The following BTBD9 variants were observed in gnomAD, a reference collection of about 807,000 sequenced individuals.
BTBD9 encodes the protein BTB domain containing 9, also known as BTB/POZ domain-containing protein 9.
Under a neutral mutation model 64.3 loss-of-function variants are expected in BTBD9, and 49 were observed. That is an observed-to-expected ratio of 0.76 (90% CI 0.61 to 0.97). The LOEUF (loss-of-function observed/expected upper bound fraction) is 0.97, where lower values mean the gene tolerates loss of function less well. Among genes scored for constraint, BTBD9 ranks in the 50% least tolerant of loss-of-function variants. The pLI, the probability that BTBD9 is intolerant of heterozygous loss-of-function variation, is 0.00. For missense variants in BTBD9, 598 were observed against 762.1 expected (o/e 0.78, Z 2.53); for synonymous variants, 260 against 274.7 (o/e 0.95, Z 0.53).
intron 6 of BTBD9, among the ~76,000 whole-genome samples, chr6:38,351,122 T>C (rs746160198): frequency 3.3e-5 from 5 of 152,248 alleles, no homozygotes; most frequent in Non-Finnish European, 5.9e-5. Flanking sequence ...AAGAAAGATT[T>C]GTTACTCTTA....
Position 38,534,771 on chromosome 6 carries a change from A to G in BTBD9, c.1154+42829T>C, listed in dbSNP as rs116007932. Among the ~76,000 whole-genome samples, 1,137 of 152,260 alleles carry G rather than the reference A, an allele frequency of 7.5e-3. 5 individuals carry two copies. The highest frequency in any genetic ancestry group is 0.012 in the Non-Finnish European group (840 of 67,968). ...TATCAACAGAATGAGGACAAAAACC[A>G]TATGATCATCTCAATTGATGCTGAA... On this transcript the variant is annotated intron_variant, in intron 6 of 10. Coordinates refer to ENST00000481247, the MANE Select transcript of BTBD9 (RefSeq NM_001099272.2).
intron 6 of BTBD9, among the ~76,000 whole-genome samples, chr6:38,481,192 G>A (rs915554292): frequency 6.6e-6 from 1 of 152,200 alleles, no homozygotes; most frequent in Admixed American, 6.5e-5. Flanking sequence ...TAACCTGGAA[G>A]ATTCAAGTAC....
chr6:38,421,944 G>A (rs892395591), intron 6 of BTBD9, among the ~76,000 whole-genome samples: 27 of 152,316 alleles, frequency 1.8e-4, no homozygotes, highest in African/African-American at 6.0e-4. Context: ...ATTCCATTAA[G>A]TTCACTGATA....
rs573682107 is a variant in BTBD9 at position 38,410,876 on chromosome 6, T to C, written c.1155-65783A>G. On this transcript the variant is annotated intron_variant, in intron 6 of 10. Transcript: ENST00000481247. ...GACCCTGTCTCTATAAAAAATAATT[T>C]AAAAAAACAAGAAAATATCATGTCA... is the stretch of plus-strand genomic sequence containing the variant. Among the ~76,000 whole-genome samples the C allele has an allele frequency of 5.9e-5, 9 of 151,974 alleles. No homozygotes were observed. In the East Asian group the frequency reaches 1.7e-3, roughly 29 times the overall value.
At chr6:38,217,463 T>G (rs1017821895) in intron 9 of BTBD9, among the ~76,000 whole-genome samples, 1 of 151,890 alleles carries the variant, frequency 6.6e-6, no homozygotes, top group Non-Finnish European at 1.5e-5. Context: ...GAAGATAATT[T>G]TAGTGACAGT....
intron 6 of BTBD9, among the ~76,000 whole-genome samples, chr6:38,467,465 T>C (rs35102071): frequency 0.044 from 6,742 of 152,290 alleles, 171 homozygotes; most frequent in Middle Eastern, 0.061. Context: ...TACCAACTTA[T>C]ATATTATTCA....
intron 6 of BTBD9, among the ~76,000 whole-genome samples, chr6:38,404,683 C>A (rs1767089265): frequency 6.6e-6 from 1 of 152,106 alleles, no homozygotes; most frequent in Non-Finnish European, 1.5e-5. Flanking sequence ...TTCAAACAAG[C>A]AAAAGCATTT....
intron 6 of BTBD9, among the ~76,000 whole-genome samples, chr6:38,367,383 T>G (rs1765223538): frequency 2.0e-5 from 3 of 152,206 alleles, no homozygotes; most frequent in African/African-American, 7.2e-5. Flanking sequence ...GAAGGAGGAC[T>G]CAGAGCATGA....
chr6:38,324,233 T>TA, intron 7 of BTBD9, among the ~76,000 whole-genome samples: 1 of 152,236 alleles, frequency 6.6e-6, no homozygotes, highest in Non-Finnish European at 1.5e-5. Context: ...GCTTTGTTTA[T>TA]AAAAACAGCT....
At chr6:38,639,054 C>T (rs1427066631) in intron 1 of BTBD9, among the ~76,000 whole-genome samples, 1 of 152,196 alleles carries the variant, frequency 6.6e-6, no homozygotes, top group African/African-American at 2.4e-5. Flanking sequence ...ACAAAACATG[C>T]TTCCATACTT....
intron 6 of BTBD9, among the ~76,000 whole-genome samples, chr6:38,373,097 C>T (rs549167678): frequency 6.6e-6 from 1 of 152,200 alleles, no homozygotes; most frequent in East Asian, 1.9e-4. Context: ...TTGACAAGGA[C>T]CATGGTCCTT....
intron 6 of BTBD9, among the ~76,000 whole-genome samples, chr6:38,370,781 AC>A: frequency 6.6e-6 from 1 of 152,186 alleles, no homozygotes. Context: ...AAATGTCTCT[AC>A]TCTATTAAGC....
chr6:38,589,183 G>T (rs1238534368), intron 4 of BTBD9, among the ~76,000 whole-genome samples: 1 of 152,172 alleles, frequency 6.6e-6, no homozygotes, highest in African/African-American at 2.4e-5. Context: ...AACAATCTGT[G>T]TATGTGTCAT....
chr6:38,383,165 A>G (rs1219025762), intron 6 of BTBD9, among the ~76,000 whole-genome samples: 1 of 152,240 alleles, frequency 6.6e-6, no homozygotes, highest in Non-Finnish European at 1.5e-5. Context: ...AATAATCATC[A>G]TGACCAAATT....
intron 1 of BTBD9, among the ~76,000 whole-genome samples, chr6:38,632,195 C>T (rs1778387023): frequency 6.6e-6 from 1 of 152,132 alleles, no homozygotes; most frequent in Non-Finnish European, 1.5e-5. Flanking sequence ...CAATAGATAA[C>T]ATAGAATTTG....
At chr6:38,388,927 T>C (rs1336870968) in intron 6 of BTBD9, among the ~76,000 whole-genome samples, 3 of 152,204 alleles carry the variant, frequency 2.0e-5, no homozygotes, top group Non-Finnish European at 4.4e-5. Flanking sequence ...AATCTGAGTA[T>C]TGTTATACCA....
intron 6 of BTBD9, among the ~76,000 whole-genome samples, chr6:38,548,791 G>A (rs1774670398): frequency 6.6e-6 from 1 of 152,146 alleles, no homozygotes; most frequent in Admixed American, 6.5e-5. Context: ...GTTGTAACCT[G>A]ATAAAAGGGA....
In BTBD9 at chr6:38,592,593, T is replaced by C; in HGVS notation, c.797A>G (p.Asn266Ser). Residue 266 changes from asparagine (N) to serine (S), a missense_variant, in exon 4 of 11, where the codon AAT (asparagine) becomes AGT (serine). Transcript: ENST00000481247. Reference protein sequence around the residue: ...VRSESRDMDLNYRGMLIPEEN... With the variant: ...VRSESRDMDLSYRGMLIPEEN... ...GTACTTACTGAGCATGCCTCTATAA[T>C]TGAGGTCCATATCCCGGCTCTCAGA... 1.2e-6 allele frequency: 2 copies of C among 1,614,066 alleles called. No homozygotes were observed. The highest frequency in any genetic ancestry group is 1.1e-5 in the South Asian group (1 of 91,074).
At chr6:38,274,121 A>T (rs536650523) in intron 8 of BTBD9, among the ~76,000 whole-genome samples, 6 of 152,284 alleles carry the variant, frequency 3.9e-5, no homozygotes, top group African/African-American at 1.2e-4. Flanking sequence ...ATTCCTAGGT[A>T]TTTTATTCTC....
Sources: gnomAD v4.1 joint callset for allele counts (sites outside exome capture counted in the v4.1 genomes callset) on GRCh38, gnomAD v4.1.1 for gene constraint, MANE v1.5 for transcripts, NCBI Gene and HGNC (gene_info 2026-07-23, HGNC 2026-07-21) for gene names.